Variants in RBFOX1 observed in about 807,000 individuals in gnomAD.
RBFOX1 encodes the protein RNA binding fox-1 homolog 1, also known as RNA binding protein fox-1 homolog 1.
RBFOX1 carries 8 observed loss-of-function variants against 57.7 expected under a neutral mutation model. The ratio of observed to expected loss-of-function variants is 0.14; its 90% CI spans 0.08 to 0.25. The LOEUF (loss-of-function observed/expected upper bound fraction) is 0.25, where lower values mean the gene tolerates loss of function less well. Among genes scored for constraint, RBFOX1 ranks in the 10% least tolerant of loss-of-function variants. The pLI is 1.00. For synonymous variants in RBFOX1, 326 were observed against 222.4 expected (o/e 1.47, Z -4.15); for missense variants, 611 against 548.5 (o/e 1.11, Z -1.14).
At chr16:6,564,644 G>C (rs1165908481) in intron 2 of RBFOX1, among the ~76,000 whole-genome samples, 1 of 152,082 alleles carries the variant, frequency 6.6e-6, no homozygotes, top group South Asian at 2.1e-4. Context: ...AGGTTTGGGG[G>C]TGGGGGAAAT....
intron 13 of RBFOX1, among the ~76,000 whole-genome samples, chr16:7,667,570 C>A (rs1160883955): frequency 1.3e-5 from 2 of 152,214 alleles, no homozygotes; most frequent in Non-Finnish European, 2.9e-5. Flanking sequence ...TTGGCTTACT[C>A]CTTCAAGCTC....
intron 3 of RBFOX1, among the ~76,000 whole-genome samples, chr16:6,744,668 C>G (rs530203881): frequency 6.6e-6 from 1 of 151,998 alleles, no homozygotes; most frequent in Non-Finnish European, 1.5e-5. Flanking sequence ...TAAGACATAT[C>G]AGATTTTGCG....
chr16:5,753,438 GA>G (rs1311280044), intron 3 of RBFOX1, among the ~76,000 whole-genome samples: 1 of 152,052 alleles, frequency 6.6e-6, no homozygotes, highest in Admixed American at 6.5e-5. Context: ...TTTTTCACTT[GA>G]AAAAGAGTTA....
intron 2 of RBFOX1, among the ~76,000 whole-genome samples, chr16:6,419,683 C>T (rs892351093): frequency 6.6e-6 from 1 of 152,134 alleles, no homozygotes; most frequent in African/African-American, 2.4e-5. Flanking sequence ...CTACAGGCAT[C>T]CCACCATTCC....
In RBFOX1 at chr16:5,860,855, C is replaced by T. The variant is rs143348358; in HGVS notation, c.319-6448C>T. Reference sequence around the variant, plus strand: ...GCAAAAAGAGGCCCTGATCTACTCACGCAGCATCTTTGATGGTCGTTCTTC... The same window carrying T: ...GCAAAAAGAGGCCCTGATCTACTCATGCAGCATCTTTGATGGTCGTTCTTC... On this transcript the variant is annotated intron_variant, in intron 3 of 19. Coordinates refer to the RBFOX1 transcript ENST00000641259. Among the ~76,000 whole-genome samples the T allele has an allele frequency of 2.4e-4, 37 of 152,288 alleles. No homozygotes were observed. The East Asian group carries it at 4.3e-3, about 17-fold the overall frequency.
At chr16:5,600,601 C>A (rs996686878), downstream of RBFOX1, among the ~76,000 whole-genome samples, 1 of 151,866 alleles carries the variant, frequency 6.6e-6, no homozygotes, top group Non-Finnish European at 1.5e-5. Context: ...ACCCTTCGTG[C>A]AAACTGGAAT....
chr16:5,485,128 C>T lies in RBFOX1; in HGVS notation c.258+17874C>T, dbSNP rs535192131. Among the ~76,000 whole-genome samples, 656 of 151,804 alleles carry T rather than the reference C, an allele frequency of 4.3e-3. 3 individuals are homozygous for T. The highest frequency in any genetic ancestry group is 0.014 in the Middle Eastern group (4 of 292). On this transcript the variant is annotated intron_variant, in intron 2 of 2. Coordinates refer to the RBFOX1 transcript ENST00000585867. ...TTGGGAGGCCGAGGCGGGCGGATGA[C>T]GAGGTCAGAAGATCAAGACCGTCCT... is the stretch of plus-strand genomic sequence containing the variant.
chr16:5,363,593 G>C (rs2065616280), intron 1 of RBFOX1, among the ~76,000 whole-genome samples: 1 of 152,102 alleles, frequency 6.6e-6, no homozygotes, highest in South Asian at 2.1e-4. Context: ...GGGCTCAGTT[G>C]ACCTGACTTT....
At chr16:5,485,234 T>C (rs867400711) in intron 2 of RBFOX1, among the ~76,000 whole-genome samples, 1 of 149,156 alleles carries the variant, frequency 6.7e-6, no homozygotes, top group Non-Finnish European at 1.5e-5. Context: ...TAGTCCCAGC[T>C]ACTCGGGAGG....
chr16:7,281,475 A>G (rs1257709386), intron 4 of RBFOX1, among the ~76,000 whole-genome samples: 1 of 152,106 alleles, frequency 6.6e-6, no homozygotes, highest in East Asian at 1.9e-4. Flanking sequence ...CTAACACTGT[A>G]TATCTCTCCC....
intron 3 of RBFOX1, among the ~76,000 whole-genome samples, chr16:6,818,660 CCTT>C (rs1292067148): frequency 2.6e-5 from 4 of 152,228 alleles, no homozygotes; most frequent in East Asian, 1.9e-4. Context: ...ATTTTTCCCC[CCTT>C]CTTCTGGTAA....
At chr16:6,010,410 G>C (rs1286215270) in intron 4 of RBFOX1, among the ~76,000 whole-genome samples, 1 of 152,142 alleles carries the variant, frequency 6.6e-6, no homozygotes, top group Non-Finnish European at 1.5e-5. Flanking sequence ...GTCTTTATTT[G>C]GAATAATTTC....
chr16:6,278,472 C>G (rs1254886018), intron 1 of RBFOX1, among the ~76,000 whole-genome samples: 4 of 144,574 alleles, frequency 2.8e-5, no homozygotes, highest in African/African-American at 1.0e-4. Context: ...CTGTGCGTCA[C>G]CTCCTACTTT....
intron 2 of RBFOX1, among the ~76,000 whole-genome samples, chr16:6,398,048 A>C (rs143035422): frequency 6.6e-6 from 1 of 152,314 alleles, no homozygotes; most frequent in African/African-American, 2.4e-5. Context: ...CTATGTCAGG[A>C]AACTTACAAT....
At chr16:6,069,085 G>C (rs1389045491) in intron 1 of RBFOX1, among the ~76,000 whole-genome samples, 1 of 152,122 alleles carries the variant, frequency 6.6e-6, no homozygotes, top group Non-Finnish European at 1.5e-5. Flanking sequence ...AGAGAGGAAG[G>C]AAGGAGCGAG....
In RBFOX1 at chr16:7,356,215, G is replaced by T. The variant is rs757744620; in HGVS notation, c.28-161932G>T. On this transcript the variant is annotated intron_variant, in intron 4 of 15. Coordinates refer to ENST00000550418, the MANE Select transcript of RBFOX1 (RefSeq NM_018723.4). The stretch of plus-strand genomic sequence containing the variant: ...TTCTAGGCACTGAGAATACAGCACT[G>T]AATAGTGAGTCAAGACCCCTGTTTT... Among the ~76,000 whole-genome samples, 4 of 152,294 alleles carry T rather than the reference G, an allele frequency of 2.6e-5. No homozygotes were observed. In the East Asian group the frequency reaches 7.7e-4, roughly 29 times the overall value.
intron 2 of RBFOX1, among the ~76,000 whole-genome samples, chr16:6,433,789 A>T (rs559761112): frequency 6.8e-6 from 1 of 147,360 alleles, no homozygotes; most frequent in Non-Finnish European, 1.5e-5. Context: ...CATCACTCCA[A>T]CCTCTGCTCC....
chr16:7,690,283 C>T (rs568283332), intron 14 of RBFOX1, among the ~76,000 whole-genome samples: 1 of 152,096 alleles, frequency 6.6e-6, no homozygotes, highest in Admixed American at 6.6e-5. Flanking sequence ...TTCACCTCAA[C>T]AAGTGATTTT....
rs137880839 is a variant in RBFOX1, at chr16:6,802,442, C to G, written c.-16+147792C>G. ...CTATAATTCCAGCACTTTGGGAGGC[C>G]GAGGTGGGCACATCACCTGAGGTCA... On this transcript the variant is annotated intron_variant, in intron 3 of 15. Transcript: ENST00000550418. Among the ~76,000 whole-genome samples, 3 of 152,060 alleles carry G rather than the reference C, an allele frequency of 2.0e-5. 1 individual carries two copies. Among genetic ancestry groups the G allele is most frequent in the African/African-American group, 7.2e-5 (3 of 41,388 alleles).
Sources: allele counts gnomAD v4.1 joint callset (sites outside exome capture counted in the v4.1 genomes callset), GRCh38; gene constraint gnomAD v4.1.1; transcripts MANE v1.5; gene names NCBI Gene and HGNC (gene_info 2026-07-23, HGNC 2026-07-21).